GPD2: variants seen among roughly 807,000 people sequenced by gnomAD.
The protein encoded by GPD2 is glycerol-3-phosphate dehydrogenase 2, also known as glycerol-3-phosphate dehydrogenase, mitochondrial.
In GPD2, 54 loss-of-function variants were observed where a neutral mutation model predicts 82.4. The observed-to-expected ratio is 0.66, with a 90% CI of 0.53 to 0.82. GPD2 has a LOEUF of 0.82. GPD2 is among the 40% of genes least tolerant of loss of function. The pLI, the probability that GPD2 is intolerant of heterozygous loss-of-function variation, is 0.00. For missense variants in GPD2, 748 were observed against 896.2 expected (o/e 0.83, Z 2.11); for synonymous variants, 288 against 306.1 (o/e 0.94, Z 0.62).
At chr2:156,569,989 G>C (rs1157810322) in intron 11 of GPD2, 98 bp from the exon 12 acceptor site, 1 of 1,073,478 alleles carries the variant, frequency 9.3e-7, no homozygotes, top group African/African-American at 1.6e-5. Flanking sequence ...GTTACAGGCT[G>C]TAAGAAAACT....
chr2:156,549,692 T>C lies in GPD2; in HGVS notation c.746T>C (p.Val249Ala). The C allele has an allele frequency of 1.2e-6, 2 of 1,613,856 alleles. No homozygotes were observed. The highest frequency in any genetic ancestry group is 1.7e-6 in the Non-Finnish European group (2 of 1,179,792). The change falls in exon 7 of 17, where the codon GTA becomes GCA. Residue 249 changes from valine (V) to alanine (A), a missense_variant. Physicochemically the swap from Val to Ala is moderately conservative, Grantham distance 64 (BLOSUM62 0). Around this residue, in one of 3 missense-constraint regions of GPD2, gnomAD observed 692 missense variants for 809.7 expected, o/e 0.85. Coordinates refer to ENST00000438166, the MANE Select transcript of GPD2 (RefSeq NM_000408.5). ...GCTGCCACAGCCAATTACATGGAGG[T>C]AGTGAGCTTGCTCAAGAAGACAGAC... ...YGAATANYME[V>A]VSLLKKTDPQ...
chr2:156,425,833 C>T, the GPD2 span, among the ~76,000 whole-genome samples: 22 of 152,196 alleles, frequency 1.4e-4, no homozygotes, highest in South Asian at 4.6e-3. Flanking sequence ...ACATATATCA[C>T]ATACTACAGT....
chr2:156,513,491 A>G lies in GPD2; in HGVS notation c.656A>G (p.Tyr219Cys). 1.2e-6 allele frequency: 2 copies of G among 1,605,404 alleles called. No individual in the cohort carries two copies. The highest frequency in any genetic ancestry group is 1.7e-6 in the Non-Finnish European group (2 of 1,172,756). The change falls in exon 6 of 17, where the codon TAT (tyrosine) becomes TGT (cysteine). Residue 219 changes from tyrosine (Y) to cysteine (C), a missense_variant. Tyr to Cys is a radical substitution (Grantham distance 194, BLOSUM62 -2). This residue lies in a region of GPD2 where 692 missense variants were observed against 809.7 expected (regional missense o/e 0.85). Transcript: ENST00000438166. ...AAACTGGTAGGAGCAATTGTCTACTATGACGGTATGTGATGTTTTTTTTTT... is the reference window on the plus strand; with the variant it reads ...AAACTGGTAGGAGCAATTGTCTACTGTGACGGTATGTGATGTTTTTTTTTT... ...KDKLVGAIVYYDGQHNDARMN... is the reference protein window; with the variant it reads ...KDKLVGAIVYCDGQHNDARMN...
chr2:156,465,518 T>C (rs963790448), intron 1 of GPD2, among the ~76,000 whole-genome samples: 2 of 152,052 alleles, frequency 1.3e-5, no homozygotes, highest in Non-Finnish European at 2.9e-5. Flanking sequence ...TGTGCCATCA[T>C]GCCCAGCTAA....
chr2:156,581,274 C>A (rs747502931), intron 16 of GPD2, among the ~76,000 whole-genome samples: 6 of 152,084 alleles, frequency 3.9e-5, no homozygotes, highest in African/African-American at 9.6e-5. Flanking sequence ...AAAATGCTGA[C>A]CATATTCCTC....
intron 6 of GPD2, among the ~76,000 whole-genome samples, chr2:156,540,466 G>A (rs1401436512): frequency 1.3e-5 from 2 of 152,158 alleles, no homozygotes; most frequent in Admixed American, 6.5e-5. Flanking sequence ...GGGTTTAGAC[G>A]CTAGTAAGCA....
At chr2:156,476,273 G>GA (rs1356813932) in intron 2 of GPD2, 66 bp downstream of exon 2, 1 of 868,998 alleles carries the variant, frequency 1.2e-6, no homozygotes. Context: ...TGTCTATGGG[G>GA]AATGTGTGCA....
chr2:156,486,437 T>C (rs1389447397), intron 2 of GPD2, among the ~76,000 whole-genome samples: 2 of 152,232 alleles, frequency 1.3e-5, no homozygotes, highest in Admixed American at 6.5e-5. Context: ...CTGAGCAACA[T>C]TGACATTCAT....
chr2:156,466,639 C>G (rs565224261), intron 1 of GPD2, among the ~76,000 whole-genome samples: 15 of 152,300 alleles, frequency 9.8e-5, no homozygotes, highest in Non-Finnish European at 1.8e-4. Flanking sequence ...CCCTCCCTTT[C>G]AATGCATTTT....
chr2:156,452,774 A>T (rs1456123782), intron 1 of GPD2, among the ~76,000 whole-genome samples: 1 of 152,182 alleles, frequency 6.6e-6, no homozygotes, highest in Non-Finnish European at 1.5e-5. Flanking sequence ...TACAAATAAA[A>T]TTTCTGAAGA....
At chr2:156,561,669 A>G (rs978876311) in intron 9 of GPD2, among the ~76,000 whole-genome samples, 6 of 152,226 alleles carry the variant, frequency 3.9e-5, no homozygotes, top group African/African-American at 1.4e-4. Context: ...AATTTCATTT[A>G]GATCCTAGAG....
chr2:156,494,558 AGG>A (rs1399210418), intron 2 of GPD2, among the ~76,000 whole-genome samples: 2 of 152,212 alleles, frequency 1.3e-5, no homozygotes, highest in African/African-American at 4.8e-5. Flanking sequence ...ATGCAACTGC[AGG>A]GGGTAAGTGG....
chr2:156,404,897 G>A, the GPD2 span, among the ~76,000 whole-genome samples: 5 of 151,172 alleles, frequency 3.3e-5, no homozygotes, highest in African/African-American at 1.2e-4. Flanking sequence ...GAAATTCGTC[G>A]ATGATGATAA....
chr2:156,519,384 G>T (rs1306448753), intron 6 of GPD2, among the ~76,000 whole-genome samples: 2 of 152,054 alleles, frequency 1.3e-5, no homozygotes, highest in Non-Finnish European at 2.9e-5. Context: ...TAATTGAGGT[G>T]GCTGAAAACA....
At position 156,585,781 on chromosome 2, in the gene GPD2, G is replaced by A. The variant is rs376286152; in HGVS notation, c.*2863G>A. ...TTTGGCATATGAATGTAATATTAAA[G>A]TCAATGATGCTATAACTTGCGATGT... On this transcript the variant is annotated 3_prime_UTR_variant, in exon 17 of 17. Transcript: ENST00000438166. The A allele has an allele frequency of 3.9e-5, 6 of 152,390 alleles. No homozygotes were observed. The highest frequency in any genetic ancestry group is 2.1e-4 in the South Asian group (1 of 4,830). The allele number at this position is 152,390 out of a possible 1,614,324, so 9.4% of individuals were successfully genotyped here.
At chr2:156,441,826 A>G (rs960226886) in intron 1 of GPD2, among the ~76,000 whole-genome samples, 1 of 152,220 alleles carries the variant, frequency 6.6e-6, no homozygotes. Flanking sequence ...TGGTGCCCCT[A>G]GACAGAGAGT....
At chr2:156,518,691 T>G (rs954739091) in intron 6 of GPD2, among the ~76,000 whole-genome samples, 1 of 152,214 alleles carries the variant, frequency 6.6e-6, no homozygotes, top group African/African-American at 2.4e-5. Flanking sequence ...TGTTGTTTGT[T>G]TTTTCATTGA....
At chr2:156,513,221 A>G in intron 5 of GPD2, 112 bp from the exon 6 acceptor site, 2 of 837,462 alleles carry the variant, frequency 2.4e-6, no homozygotes, top group Admixed American at 1.7e-5. Flanking sequence ...TTTGCAGTCC[A>G]CTTCTAGGTA....
intron 2 of GPD2, 55 bp from the exon 3 acceptor site, chr2:156,495,988 AT>A: frequency 7.4e-7 from 1 of 1,344,816 alleles, no homozygotes; most frequent in South Asian, 1.2e-5. Context: ...ATATTGTAAA[AT>A]TTGTTAAATT....
Sources: allele counts gnomAD v4.1 joint callset (sites outside exome capture counted in the v4.1 genomes callset), GRCh38; gene constraint gnomAD v4.1.1; regional missense constraint gnomAD v4.1.1; transcripts MANE v1.5; gene names NCBI Gene and HGNC (gene_info 2026-07-23, HGNC 2026-07-21).